Variants in KHDRBS2 observed in about 807,000 individuals in gnomAD.
The protein encoded by KHDRBS2 is KH domain-containing, RNA-binding, signal transduction-associated protein 2.
Under a neutral mutation model 44.3 loss-of-function variants are expected in KHDRBS2, and 26 were observed. That is an observed-to-expected ratio of 0.59 (90% CI 0.43 to 0.81). KHDRBS2 has a LOEUF of 0.81. Among genes scored for constraint, KHDRBS2 ranks in the 40% least tolerant of loss-of-function variants. The pLI, the probability that KHDRBS2 is intolerant of heterozygous loss-of-function variation, is 0.00. For synonymous variants in KHDRBS2, 194 were observed against 151.1 expected (o/e 1.28, Z -2.08); for missense variants, 476 against 433.1 (o/e 1.10, Z -0.88).
intron 7 of KHDRBS2, among the ~76,000 whole-genome samples, chr6:61,726,556 T>G (rs1773599955): frequency 1.3e-5 from 2 of 152,116 alleles, no homozygotes; most frequent in African/African-American, 4.8e-5. Context: ...CTTAATCTAA[T>G]AAGCAACTTC....
chr6:62,223,426 G>T (rs1453616439), intron 1 of KHDRBS2, among the ~76,000 whole-genome samples: 2 of 152,188 alleles, frequency 1.3e-5, no homozygotes, highest in African/African-American at 4.8e-5. Context: ...GCCTGTGATG[G>T]GAGGGGCTGC....
chr6:61,544,111 T>C, the KHDRBS2 span, among the ~76,000 whole-genome samples: 1 of 152,056 alleles, frequency 6.6e-6, no homozygotes, highest in Non-Finnish European at 1.5e-5. Flanking sequence ...AAGAATATAA[T>C]TGTATTCTTT....
chr6:61,954,593 T>C (rs1182332908), intron 4 of KHDRBS2, among the ~76,000 whole-genome samples: 1 of 139,550 alleles, frequency 7.2e-6, no homozygotes, highest in Non-Finnish European at 1.6e-5. Flanking sequence ...TTTATGTATA[T>C]ATACACATAC....
At chr6:62,160,585 C>A (rs1459591033) in intron 2 of KHDRBS2, among the ~76,000 whole-genome samples, 1 of 152,030 alleles carries the variant, frequency 6.6e-6, no homozygotes, top group Non-Finnish European at 1.5e-5. Flanking sequence ...GTCACATGAT[C>A]TGTATGGCCT....
At chr6:62,187,832 T>C (rs1455026015) in intron 1 of KHDRBS2, among the ~76,000 whole-genome samples, 1 of 152,112 alleles carries the variant, frequency 6.6e-6, no homozygotes, top group Admixed American at 6.6e-5. Flanking sequence ...CAGCAGTATA[T>C]TTGTCCATTT....
intron 7 of KHDRBS2, among the ~76,000 whole-genome samples, chr6:61,720,875 A>C (rs1278878826): frequency 6.6e-6 from 1 of 150,748 alleles, no homozygotes; most frequent in Non-Finnish European, 1.5e-5. Flanking sequence ...CTGAATGGTA[A>C]TGCCTAGGTT....
intron 2 of KHDRBS2, among the ~76,000 whole-genome samples, chr6:62,051,145 A>G (rs1418987414): frequency 1.3e-5 from 2 of 152,086 alleles, no homozygotes; most frequent in Admixed American, 1.3e-4. Context: ...CATGAAGGAA[A>G]TATCTGGGGT....
intron 4 of KHDRBS2, among the ~76,000 whole-genome samples, chr6:61,934,417 T>A: frequency 6.6e-6 from 1 of 152,104 alleles, no homozygotes; most frequent in East Asian, 1.9e-4. Flanking sequence ...ACTAGCTAAT[T>A]TTTAAATCTA....
chr6:61,808,504 G>A (rs1002495690), intron 6 of KHDRBS2, among the ~76,000 whole-genome samples: 2 of 152,114 alleles, frequency 1.3e-5, no homozygotes, highest in Non-Finnish European at 2.9e-5. Flanking sequence ...TTCTGAAGAA[G>A]TATTGATCAA....
At chr6:61,937,381 G>A (rs1402269947) in intron 4 of KHDRBS2, among the ~76,000 whole-genome samples, 1 of 151,312 alleles carries the variant, frequency 6.6e-6, no homozygotes, top group Admixed American at 6.6e-5. Context: ...AATTCTTCTT[G>A]TACATAGAAG....
intron 7 of KHDRBS2, among the ~76,000 whole-genome samples, chr6:61,723,588 T>C (rs1773064657): frequency 6.6e-6 from 1 of 150,786 alleles, no homozygotes; most frequent in African/African-American, 2.4e-5. Flanking sequence ...AAAACAACAA[T>C]ACAGAAGCTG....
At chr6:61,718,668 G>C (rs75835289) in intron 7 of KHDRBS2, among the ~76,000 whole-genome samples, 2 of 152,060 alleles carry the variant, frequency 1.3e-5, no homozygotes, top group Non-Finnish European at 2.9e-5. Flanking sequence ...ACTTCCTCCT[G>C]TAGGATGGCC....
intron 6 of KHDRBS2, among the ~76,000 whole-genome samples, chr6:61,852,813 G>C (rs1562304333): frequency 6.6e-6 from 1 of 152,116 alleles, no homozygotes; most frequent in Non-Finnish European, 1.5e-5. Context: ...TTGAGTGTGT[G>C]TGTGTATATG....
the KHDRBS2 span, among the ~76,000 whole-genome samples, chr6:61,658,170 C>T: frequency 2.6e-5 from 4 of 151,740 alleles, no homozygotes; most frequent in Non-Finnish European, 4.4e-5. Flanking sequence ...GATTAGATTT[C>T]CTTATTATTG....
intron 3 of KHDRBS2, among the ~76,000 whole-genome samples, chr6:62,029,761 C>A (rs1784008138): frequency 6.6e-6 from 1 of 151,896 alleles, no homozygotes; most frequent in Admixed American, 6.6e-5. Flanking sequence ...ATAAATCCAT[C>A]TCCAAGATTT....
chr6:61,695,033 T>C (rs541359644), intron 8 of KHDRBS2, among the ~76,000 whole-genome samples: 48 of 152,254 alleles, frequency 3.2e-4, no homozygotes, highest in Non-Finnish European at 5.9e-4. Context: ...AAAAATAGTA[T>C]AAAAGATCTC....
chr6:62,242,412 T>G (rs1834822962), intron 1 of KHDRBS2, among the ~76,000 whole-genome samples: 2 of 152,116 alleles, frequency 1.3e-5, no homozygotes, highest in African/African-American at 2.4e-5. Context: ...GTTGTGGTGG[T>G]TACTCTGCAC....
intron 2 of KHDRBS2, among the ~76,000 whole-genome samples, chr6:62,131,676 C>T (rs182603753): frequency 5.7e-4 from 87 of 152,252 alleles, no homozygotes; most frequent in African/African-American, 1.7e-3. Flanking sequence ...CTATTGGGGT[C>T]CTAATTGGCT....
intron 6 of KHDRBS2, among the ~76,000 whole-genome samples, chr6:61,755,799 CAAAA>C (rs34625585): frequency 9.4e-6 from 1 of 106,254 alleles, no homozygotes; most frequent in Non-Finnish European, 1.8e-5. Context: ...GACTCTGTCT[CAAAA>C]AAAAAAAAAA....
Sources: gnomAD v4.1 joint callset for allele counts (sites outside exome capture counted in the v4.1 genomes callset) on GRCh38, gnomAD v4.1.1 for gene constraint, MANE v1.5 for transcripts, NCBI Gene and HGNC (gene_info 2026-07-23, HGNC 2026-07-21) for gene names.